The following MTUS2 variants were observed in gnomAD, a reference collection of about 807,000 sequenced individuals.
MTUS2 encodes microtubule associated scaffold protein 2, also known as microtubule-associated tumor suppressor candidate 2.
In MTUS2, 40 loss-of-function variants were observed where a neutral mutation model predicts 114.1. The ratio of observed to expected loss-of-function variants is 0.35; its 90% confidence interval spans 0.27 to 0.46. The LOEUF (loss-of-function observed/expected upper bound fraction) is 0.46. Among genes scored for constraint, MTUS2 ranks in the 20% least tolerant of loss-of-function variants. MTUS2 has a pLI of 1.00. For synonymous variants in MTUS2, 688 were observed against 672.0 expected, an observed-to-expected ratio of 1.02 and a Z score of -0.37; for missense variants, 1,679 against 1,705.4, an observed-to-expected ratio of 0.98 and a Z score of 0.27.
At chr13:29,312,538 A>G (rs977364943) in intron 6 of MTUS2, among the ~76,000 whole-genome samples, 2 of 152,308 alleles carry the variant, frequency 1.3e-5, no homozygotes, top group African/African-American at 4.8e-5. Context: ...AAAGGGCACA[A>G]TTTTATTGTG....
chr13:28,904,400 G>A (rs528378954), intron 2 of MTUS2, among the ~76,000 whole-genome samples: 213 of 152,290 alleles, frequency 1.4e-3, no homozygotes, highest in African/African-American at 4.4e-3. Context: ...TAACATGTAA[G>A]TCTTTAATCC....
chr13:29,501,884 C>G (rs1283612919), intron 15 of MTUS2, among the ~76,000 whole-genome samples: 1 of 152,182 alleles, frequency 6.6e-6, no homozygotes, highest in Non-Finnish European at 1.5e-5. Flanking sequence ...CCCACTCAGG[C>G]ACACTCTCAT....
intron 2 of MTUS2, among the ~76,000 whole-genome samples, chr13:28,988,805 T>A (rs1884698197): frequency 6.6e-6 from 1 of 152,184 alleles, no homozygotes; most frequent in Non-Finnish European, 1.5e-5. Context: ...TATTTATGTA[T>A]ACTAAAAACT....
In MTUS2 at chr13:29,292,281, C is replaced by T. The variant is rs192959880; in HGVS notation, c.2806+10416C>T. 1.1e-4 allele frequency among the ~76,000 whole-genome samples: 16 copies of T among 152,324 alleles called. No homozygotes were observed. The South Asian group carries it at 1.7e-3, about 16-fold the overall frequency. On this transcript the variant is annotated intron_variant, in intron 6 of 15. Transcript: ENST00000612955. ...ATGTCAACGTCACCTGCTCAATTACCGTCACCCCCTGTTGTCCACTCAACG... is the reference window on the plus strand; with the variant it reads ...ATGTCAACGTCACCTGCTCAATTACTGTCACCCCCTGTTGTCCACTCAACG...
chr13:29,046,559 C>A (rs554918496), intron 4 of MTUS2, among the ~76,000 whole-genome samples: 1 of 152,212 alleles, frequency 6.6e-6, no homozygotes, highest in African/African-American at 2.4e-5. Context: ...TTTTTGCCTG[C>A]ATGTGCAAGT....
chr13:29,368,636 A>T (rs1832407288), intron 8 of MTUS2, among the ~76,000 whole-genome samples: 1 of 144,642 alleles, frequency 6.9e-6, no homozygotes, highest in South Asian at 2.2e-4. Context: ...CATAAAAAAT[A>T]ATTCAAAAAA....
chr13:28,959,964 A>G (rs1883248381), intron 2 of MTUS2, among the ~76,000 whole-genome samples: 1 of 152,248 alleles, frequency 6.6e-6, no homozygotes, highest in African/African-American at 2.4e-5. Context: ...TAATATGCAA[A>G]ATGTCCAGTT....
chr13:28,864,290 T>C (rs1877166553), intron 2 of MTUS2, among the ~76,000 whole-genome samples: 1 of 152,192 alleles, frequency 6.6e-6, no homozygotes, highest in Non-Finnish European at 1.5e-5. Context: ...GCAAGTATGT[T>C]ATAAGGGTCC....
chr13:29,383,356 C>A (rs3121738), intron 8 of MTUS2, among the ~76,000 whole-genome samples: 116,129 of 151,678 alleles, frequency 0.77, 44,562 homozygotes, highest in Admixed American at 0.83. Context: ...GAAAAGGAAA[C>A]ATGTGAGGTC....
At chr13:29,302,690 A>T (rs1899258585) in intron 6 of MTUS2, among the ~76,000 whole-genome samples, 1 of 152,154 alleles carries the variant, frequency 6.6e-6, no homozygotes, top group Non-Finnish European at 1.5e-5. Flanking sequence ...GGCAGCCACC[A>T]TCTCTGTGGT....
intron 8 of MTUS2, among the ~76,000 whole-genome samples, chr13:29,402,461 G>A (rs79587996): frequency 8.7e-4 from 132 of 152,238 alleles, no homozygotes; most frequent in African/African-American, 2.8e-3. Context: ...CATAAAACAC[G>A]AGAGATAAAA....
At chr13:29,176,695 A>AACC (rs1893787979) in intron 5 of MTUS2, among the ~76,000 whole-genome samples, 1 of 151,558 alleles carries the variant, frequency 6.6e-6, no homozygotes, top group African/African-American at 2.4e-5. Context: ...CACCCTCATG[A>AACC]CTTAATCACT....
intron 2 of MTUS2, among the ~76,000 whole-genome samples, chr13:28,925,876 A>G (rs571641195): frequency 6.6e-6 from 1 of 152,364 alleles, no homozygotes; most frequent in Admixed American, 6.5e-5. Flanking sequence ...TATGAAACCA[A>G]AAGAAAGTAG....
chr13:29,265,462 A>G (rs529559305), intron 5 of MTUS2, among the ~76,000 whole-genome samples: 1 of 152,332 alleles, frequency 6.6e-6, no homozygotes, highest in Admixed American at 6.5e-5. Flanking sequence ...AGCTGCTTCC[A>G]CATTTTCAGT....
intron 5 of MTUS2, among the ~76,000 whole-genome samples, chr13:29,150,736 A>G (rs1366516072): frequency 3.9e-5 from 6 of 152,204 alleles, no homozygotes; most frequent in Non-Finnish European, 7.3e-5. Flanking sequence ...GTAGTGGTCC[A>G]ATTTCATTCA....
At position 29,503,130 on chromosome 13, in the gene MTUS2, C is replaced by T. The variant is rs1442920473; in HGVS notation, c.4034C>T (p.Ser1345Leu). The change falls in exon 16 of 16, where the codon TCG becomes TTG. Residue 1345 changes from serine to leucine, a missense_variant. This residue lies in a region of MTUS2 where 822 missense variants were observed against 899.7 expected (regional missense o/e 0.91). Coordinates refer to ENST00000612955, the MANE Select transcript of MTUS2 (RefSeq NM_001033602.4). ...TGDPTSPIKL[S>L]PTSPVYRGSS... ...GACCCGACCAGTCCGATTAAACTCTCGCCCACATCTCCCGTTTACCGCGGC... is the reference window on the plus strand; with the variant it reads ...GACCCGACCAGTCCGATTAAACTCTTGCCCACATCTCCCGTTTACCGCGGC... 1.9e-6 allele frequency: 3 copies of T among 1,614,252 alleles called. No homozygotes were observed. The highest frequency in any genetic ancestry group is 2.2e-5 in the East Asian group (1 of 44,890).
At chr13:29,333,360 G>A (rs1033364243) in intron 7 of MTUS2, among the ~76,000 whole-genome samples, 2 of 152,012 alleles carry the variant, frequency 1.3e-5, no homozygotes, top group African/African-American at 4.8e-5. Flanking sequence ...ACCATGCCCG[G>A]TTAATTTTGT....
At chr13:29,386,341 G>A (rs1872631309) in intron 8 of MTUS2, among the ~76,000 whole-genome samples, 1 of 152,194 alleles carries the variant, frequency 6.6e-6, no homozygotes. Context: ...TCAGGGGATG[G>A]AACATTTCTA....
chr13:28,902,906 C>T (rs1879729929), intron 2 of MTUS2, among the ~76,000 whole-genome samples: 1 of 152,104 alleles, frequency 6.6e-6, no homozygotes, highest in Non-Finnish European at 1.5e-5. Flanking sequence ...GCTAATTCTA[C>T]TTTAAACATT....
Sources: allele counts gnomAD v4.1 joint callset (sites outside exome capture counted in the v4.1 genomes callset), GRCh38; gene constraint gnomAD v4.1.1; regional missense constraint gnomAD v4.1.1; transcripts MANE v1.5; gene names NCBI Gene and HGNC (gene_info 2026-07-23, HGNC 2026-07-21).